TMIGD1: variants seen among roughly 807,000 people sequenced by gnomAD.
TMIGD1 encodes the protein transmembrane and immunoglobulin domain containing 1.
A neutral mutation model predicts 27.5 loss-of-function variants in TMIGD1; 29 were observed. That is an observed-to-expected ratio of 1.05 (90% CI 0.78 to 1.44). The LOEUF is 1.44. TMIGD1 is among the 40% of genes most tolerant of loss of function. The pLI is 0.00. For synonymous variants in TMIGD1, 109 were observed against 110.3 expected (o/e 0.99, Z 0.07); for missense variants, 334 against 310.6 (o/e 1.08, Z -0.57).
chr17:30,325,215 A>T lies in TMIGD1; in HGVS notation c.362-121T>A, dbSNP rs1020171598. 7 of 1,046,498 alleles carry T rather than the reference A, an allele frequency of 6.7e-6. No individual in the cohort carries two copies. The East Asian group carries it at 1.7e-4, about 26-fold the overall frequency. 64.8% of individuals were successfully genotyped at this position (1,046,498 alleles called of 1,614,324 possible). The stretch of plus-strand genomic sequence containing the variant: ...TATTCATTTGACAAAAATTTATTAA[A>T]TACGTACGGTGTGACAAGCACTGGG... On this transcript the variant is annotated intron_variant, in intron 3 of 6. Transcript: ENST00000328886.
intron 5 of TMIGD1, 86 bp downstream of exon 5, chr17:30,318,724 C>T (rs1229451641): frequency 5.2e-6 from 5 of 969,492 alleles, no homozygotes. Context: ...AAGAAGGGTT[C>T]CTAACTGAAG....
At position 30,325,012 on chromosome 17, in the gene TMIGD1, G is replaced by A. The variant is rs779487208; in HGVS notation, c.444C>T (p.Asn148=). The A allele has an allele frequency of 7.4e-6, 12 of 1,613,972 alleles. No individual in the cohort carries two copies. Among genetic ancestry groups the A allele is most frequent in the Admixed American group, 6.7e-5 (4 of 59,988 alleles). The change falls in exon 4 of 7, where the codon AAC becomes AAT. Residue 148 remains asparagine (N), a synonymous_variant. Coordinates refer to ENST00000328886, the MANE Select transcript of TMIGD1 (RefSeq NM_206832.3). ...TGTACCACATCATTTGAGCCTGGGG[G>A]TTGGCTTTCACATTGCAAACCAACT... is the stretch of plus-strand genomic sequence containing the variant. The part of the protein sequence containing the change: ...NVKLVCNVKA[N]PQAQMMWYKN...
At chr17:30,323,928 T>G (rs997925729) in intron 4 of TMIGD1, among the ~76,000 whole-genome samples, 2 of 152,082 alleles carry the variant, frequency 1.3e-5, no homozygotes, top group South Asian at 4.1e-4. Flanking sequence ...TAAGTCTTCT[T>G]CCCCACTAGC....
intron 4 of TMIGD1, among the ~76,000 whole-genome samples, chr17:30,319,535 C>A (rs1452678484): frequency 6.6e-6 from 1 of 151,546 alleles, no homozygotes; most frequent in African/African-American, 2.4e-5. Flanking sequence ...GAGTAACTCC[C>A]CTAAAACAAG....
Position 30,329,430 on chromosome 17 carries a change from C to G in TMIGD1, c.182G>C (p.Arg61Thr), listed in dbSNP as rs1250227928. 2 of 1,614,230 alleles carry G rather than the reference C, an allele frequency of 1.2e-6. No homozygotes were observed. The highest frequency in any genetic ancestry group is 1.7e-5 in the Admixed American group (1 of 60,014). Residue 61 changes from arginine to threonine, a missense_variant, in exon 3 of 7, where the codon AGA becomes ACA. Transcript: ENST00000328886. ...SLICAVQNHT[R>T]EEELLWYREE... ...TCGGTACCAGAGCAGTTCTTCCTCT[C>G]TGGTGTGGTTTTGAACAGCACATAT...
chr17:30,322,305 G>A (rs1724937143), intron 4 of TMIGD1, among the ~76,000 whole-genome samples: 1 of 152,140 alleles, frequency 6.6e-6, no homozygotes, highest in Non-Finnish European at 1.5e-5. Context: ...TTCTGTACTA[G>A]CCAGCTCTGG....
chr17:30,327,204 C>G (rs1909811310), intron 3 of TMIGD1, among the ~76,000 whole-genome samples: 2 of 152,134 alleles, frequency 1.3e-5, no homozygotes, highest in South Asian at 4.1e-4. Context: ...CCATGTCTCC[C>G]TTAAGAGGGT....
intron 3 of TMIGD1, among the ~76,000 whole-genome samples, chr17:30,328,037 C>CTT (rs112237075): frequency 8.1e-5 from 11 of 135,628 alleles, no homozygotes; most frequent in Non-Finnish European, 9.8e-5. Context: ...TAATGAAAAT[C>CTT]TTTTTTTTTT....
At position 30,317,197 on chromosome 17, in the gene TMIGD1, C is replaced by A. The variant is rs1284109247; in HGVS notation, c.781G>T (p.Ala261Ser). 6.2e-7 allele frequency: 1 copy of A among 1,613,910 alleles called. No individual in the cohort carries two copies. Among genetic ancestry groups the A allele is most frequent in the Non-Finnish European group, 8.5e-7 (1 of 1,179,952 alleles). The part of the protein sequence containing the change: ...MKDKDPHSET[A>S]L ...GTCCCGGCCTAGAGTACTTACAGAGCTGTTTCACTGTGAGGGTCTTTATCC... is the reference window on the plus strand; with the variant it reads ...GTCCCGGCCTAGAGTACTTACAGAGATGTTTCACTGTGAGGGTCTTTATCC... The change falls in exon 6 of 7, where the codon GCT (alanine) becomes TCT (serine). Residue 261 changes from alanine to serine, a missense_variant. Coordinates refer to ENST00000328886, the MANE Select transcript of TMIGD1 (RefSeq NM_206832.3).
Position 30,317,212 on chromosome 17 carries a change from G to T in TMIGD1, c.766C>A (p.Pro256Thr). 1 of 1,613,962 alleles carries T rather than the reference G, an allele frequency of 6.2e-7. No homozygotes were observed. The highest frequency in any genetic ancestry group is 1.1e-5 in the South Asian group (1 of 91,078). The change falls in exon 6 of 7, where the codon CCT becomes ACT. Residue 256 changes from proline (P) to threonine (T), a missense_variant. Pro to Thr is a conservative substitution (Grantham distance 38). Transcript: ENST00000328886. ...IMKLCMKDKDPHSETAL is the reference protein window; with the variant it reads ...IMKLCMKDKDTHSETAL ...ACTTACAGAGCTGTTTCACTGTGAG[G>T]GTCTTTATCCTTCATGCAGAGCTAA...
intron 3 of TMIGD1, among the ~76,000 whole-genome samples, chr17:30,326,166 G>A (rs1328789063): frequency 1.3e-5 from 2 of 152,192 alleles, no homozygotes; most frequent in East Asian, 1.9e-4. Context: ...GATGTTATAT[G>A]GTATTCAGAT....
intron 3 of TMIGD1, among the ~76,000 whole-genome samples, chr17:30,327,520 C>T (rs575575228): frequency 6.6e-6 from 1 of 151,654 alleles, no homozygotes; most frequent in African/African-American, 2.4e-5. Context: ...GCCCCTAGTC[C>T]GGGCCTTAGT....
chr17:30,318,918 A>G lies in TMIGD1; in HGVS notation c.641-5T>C. ...TTGGTACACCCACAGTTTTATCTGT[A>G]GGAAATGCAAACACAGGGAATAAGA... is the stretch of plus-strand genomic sequence containing the variant. On this transcript the variant is annotated splice_polypyrimidine_tract_variant and splice_region_variant and intron_variant, in intron 4 of 6. Transcript: ENST00000328886. 1 of 1,593,024 alleles carries G rather than the reference A, an allele frequency of 6.3e-7. No homozygotes were observed. The highest frequency in any genetic ancestry group is 8.6e-7 in the Non-Finnish European group (1 of 1,160,792).
At chr17:30,333,494 C>T (rs1275765098) in intron 1 of TMIGD1, among the ~76,000 whole-genome samples, 1 of 151,856 alleles carries the variant, frequency 6.6e-6, no homozygotes, top group Non-Finnish European at 1.5e-5. Flanking sequence ...TTAATCTTTT[C>T]CAGTCCCTGG....
chr17:30,328,267 C>A (rs886415042), intron 3 of TMIGD1, among the ~76,000 whole-genome samples: 1 of 152,226 alleles, frequency 6.6e-6, no homozygotes, highest in East Asian at 1.9e-4. Flanking sequence ...AACTCCTGAT[C>A]TTAAGTGATC....
At chr17:30,333,703 G>A (rs1910057849) in intron 1 of TMIGD1, among the ~76,000 whole-genome samples, 1 of 152,018 alleles carries the variant, frequency 6.6e-6, no homozygotes, top group Admixed American at 6.5e-5. Context: ...TGATTCTTTT[G>A]TAATTTTAAA....
chr17:30,325,925 AC>A (rs1909760333), intron 3 of TMIGD1, among the ~76,000 whole-genome samples: 1 of 150,290 alleles, frequency 6.7e-6, no homozygotes, highest in African/African-American at 2.4e-5. Context: ...TAGACAGTCA[AC>A]ACATCTATCA....
chr17:30,320,184 C>A (rs117951147), intron 4 of TMIGD1, among the ~76,000 whole-genome samples: 8 of 151,864 alleles, frequency 5.3e-5, no homozygotes, highest in African/African-American at 1.7e-4. Context: ...ATTACAGGCA[C>A]GTGCTACCAT....
In TMIGD1 at chr17:30,329,418, A is replaced by T; in HGVS notation, c.194T>A (p.Leu65Gln). Reference sequence around the variant, plus strand: ...TCTCCCCTCCTCTCGGTACCAGAGCAGTTCTTCCTCTCTGGTGTGGTTTTG... The same window carrying T: ...TCTCCCCTCCTCTCGGTACCAGAGCTGTTCTTCCTCTCTGGTGTGGTTTTG... ...AVQNHTREEE[L>Q]LWYREEGRVD... Residue 65 changes from leucine (L) to glutamine (Q), a missense_variant, in exon 3 of 7, where the codon CTG (leucine) becomes CAG (glutamine). Physicochemically the swap from Leu to Gln is moderately radical, Grantham distance 113 (BLOSUM62 -2). Coordinates refer to ENST00000328886, the MANE Select transcript of TMIGD1 (RefSeq NM_206832.3). 6.2e-7 allele frequency: 1 copy of T among 1,614,178 alleles called. No homozygotes were observed. Among genetic ancestry groups the T allele is most frequent in the African/African-American group, 1.3e-5 (1 of 75,044 alleles).
Sources: gnomAD v4.1 joint callset for allele counts (sites outside exome capture counted in the v4.1 genomes callset) on GRCh38, gnomAD v4.1.1 for gene constraint, MANE v1.5 for transcripts, NCBI Gene and HGNC (gene_info 2026-07-23, HGNC 2026-07-21) for gene names.